Variants in ESRRG observed in about 807,000 individuals in gnomAD.
ESRRG encodes estrogen-related receptor gamma.
Under a neutral mutation model 44.0 loss-of-function variants are expected in ESRRG, and 13 were observed. The observed-to-expected ratio is 0.30, with a 90% CI of 0.19 to 0.47. The LOEUF (loss-of-function observed/expected upper bound fraction) is 0.47. Ranked by LOEUF, ESRRG falls within the 20% of genes least tolerant of loss-of-function variation. The pLI, the probability that ESRRG is intolerant of heterozygous loss-of-function variation, is 1.00. For synonymous variants in ESRRG, 215 were observed against 214.6 expected (o/e 1.00, Z -0.02); for missense variants, 395 against 580.6 (o/e 0.68, Z 3.29).
chr1:216,863,856 A>G (rs2096096559), intron 2 of ESRRG: 1 of 152,098 alleles, frequency 6.6e-6, no homozygotes, highest in Non-Finnish European at 1.5e-5. Flanking sequence ...CTGCACAGGA[A>G]GCTCCTACTC....
chr1:216,635,238 G>C (rs1349628323), intron 3 of ESRRG, among the ~76,000 whole-genome samples: 2 of 152,214 alleles, frequency 1.3e-5, no homozygotes, highest in Non-Finnish European at 2.9e-5. Context: ...GGAAACAATT[G>C]CTATGCATGA....
intron 1 of ESRRG, among the ~76,000 whole-genome samples, chr1:217,038,151 G>A (rs764314815): frequency 1.5e-4 from 23 of 152,128 alleles, no homozygotes; most frequent in East Asian, 3.9e-4. Context: ...TCTTCTCACC[G>A]CTCCACTAGG....
chr1:217,110,265 T>C (rs2092646587), intron 1 of ESRRG, among the ~76,000 whole-genome samples: 1 of 152,328 alleles, frequency 6.6e-6, no homozygotes, highest in East Asian at 1.9e-4. Flanking sequence ...ATGAAACCAT[T>C]ATACCATTCC....
At chr1:217,108,617 G>A (rs6674737) in intron 1 of ESRRG, among the ~76,000 whole-genome samples, 23,672 of 151,802 alleles carry the variant, frequency 0.16, 2,051 homozygotes, top group Middle Eastern at 0.24. Flanking sequence ...CACAAGACTG[G>A]GTCGTTTAAA....
intron 2 of ESRRG, among the ~76,000 whole-genome samples, chr1:216,666,526 C>A (rs1272991592): frequency 6.6e-6 from 1 of 152,120 alleles, no homozygotes; most frequent in East Asian, 1.9e-4. Context: ...GTTAAGGGAG[C>A]ACAAGGAGGA....
intron 2 of ESRRG, among the ~76,000 whole-genome samples, chr1:216,841,093 G>A (rs563344615): frequency 2.6e-5 from 4 of 152,282 alleles, no homozygotes; most frequent in African/African-American, 9.6e-5. Context: ...AAATCAAAAT[G>A]CAATGAACAA....
chr1:216,805,295 T>C (rs929308607), intron 2 of ESRRG: 2 of 152,186 alleles, frequency 1.3e-5, no homozygotes, highest in African/African-American at 2.4e-5. Flanking sequence ...CATGAATCGG[T>C]ACACACACAA....
chr1:216,772,732 C>G (rs963997626), intron 2 of ESRRG, among the ~76,000 whole-genome samples: 5 of 151,872 alleles, frequency 3.3e-5, no homozygotes, highest in African/African-American at 1.2e-4. Context: ...ACTTAACAAC[C>G]CATTCTGGCT....
intron 2 of ESRRG, among the ~76,000 whole-genome samples, chr1:216,855,868 T>C (rs1391510328): frequency 2.0e-5 from 3 of 152,214 alleles, no homozygotes; most frequent in African/African-American, 7.2e-5. Flanking sequence ...TCCCACTCTT[T>C]CCATTCTCAT....
intron 2 of ESRRG, among the ~76,000 whole-genome samples, chr1:216,774,795 C>CTTTTTTTTTT (rs1178221974): frequency 5.2e-4 from 21 of 40,188 alleles, no homozygotes; most frequent in African/African-American, 2.9e-3. Flanking sequence ...TGAATAATTT[C>CTTTTTTTTTT]TTCTTTTTTT....
At position 216,523,490 on chromosome 1, in the gene ESRRG, G is replaced by GTTTTTTTTTTTTTTTTT. The variant is rs749747909; in HGVS notation, c.863-4070_863-4069insAAAAAAAAAAAAAAAAA. Reference sequence around the variant, plus strand: ...GTGCCATGGGCACTCATCAAGCACTGTTTTTTTTTTTGTTTTTTTTTTTTT... The same window carrying GTTTTTTTTTTTTTTTTT: ...GTGCCATGGGCACTCATCAAGCACTGTTTTTTTTTTTTTTTTTTTTTTTTTTTTGTTTTTTTTTTTTT... On this transcript the variant is annotated intron_variant, in intron 5 of 6. Coordinates refer to ENST00000408911, the MANE Select transcript of ESRRG (RefSeq NM_001438.4). Among the ~76,000 whole-genome samples the GTTTTTTTTTTTTTTTTT allele has an allele frequency of 1.6e-5, 2 of 126,328 alleles. 1 individual carries two copies. The allele number at this position is 126,328 out of a possible 152,430, so 82.9% of individuals were successfully genotyped here.
In ESRRG at chr1:216,929,337, A is replaced by G. The variant is rs116674037; in HGVS notation, c.-14+10245T>C. On this transcript the variant is annotated intron_variant, in intron 2 of 7. Coordinates refer to the ESRRG transcript ENST00000359162. ...TGTGCAACTACTCTGTGACAAGTAC[A>G]ATACTAAAAGATGTGACTCAATAGA... 2.4e-3 allele frequency among the ~76,000 whole-genome samples: 368 copies of G among 152,294 alleles called. 2 individuals are homozygous for G. Among genetic ancestry groups the G allele is most frequent in the African/African-American group, 8.3e-3 (346 of 41,564 alleles).
At chr1:216,833,308 C>T (rs919961125) in intron 2 of ESRRG, among the ~76,000 whole-genome samples, 3 of 152,014 alleles carry the variant, frequency 2.0e-5, no homozygotes, top group Non-Finnish European at 2.9e-5. Flanking sequence ...TTAGAAATAA[C>T]GTGTAAGGTG....
chr1:216,590,343 C>A (rs1209135329), intron 3 of ESRRG, among the ~76,000 whole-genome samples: 1 of 151,870 alleles, frequency 6.6e-6, no homozygotes, highest in Non-Finnish European at 1.5e-5. Context: ...TTGTTAAATT[C>A]CAGAAAAAAA....
chr1:216,788,015 T>A (rs77398418), intron 2 of ESRRG, among the ~76,000 whole-genome samples: 13,514 of 152,118 alleles, frequency 0.089, 834 homozygotes, highest in African/African-American at 0.17. Flanking sequence ...AGAAGAAAAG[T>A]TGGGGCTATC....
intron 2 of ESRRG, among the ~76,000 whole-genome samples, chr1:216,746,664 G>A (rs1004710341): frequency 6.6e-5 from 10 of 152,088 alleles, no homozygotes; most frequent in African/African-American, 2.4e-4. Flanking sequence ...TAGCTGATTA[G>A]TGACCTGTTT....
At chr1:216,955,199 C>T (rs958481497) in intron 1 of ESRRG, among the ~76,000 whole-genome samples, 1 of 152,066 alleles carries the variant, frequency 6.6e-6, no homozygotes, top group Non-Finnish European at 1.5e-5. Flanking sequence ...CCTTCCCTCA[C>T]ACCTACCCCT....
At chr1:216,973,826 CAAAAA>C (rs76576502) in intron 1 of ESRRG, among the ~76,000 whole-genome samples, 1 of 116,456 alleles carries the variant, frequency 8.6e-6, no homozygotes. Flanking sequence ...AACTCTGTCT[CAAAAA>C]AAAAAAAAAA....
At position 217,109,621 on chromosome 1, in the gene ESRRG, C is replaced by G. The variant is rs552690205; in HGVS notation, c.-230+28046G>C. Among the ~76,000 whole-genome samples, 5 of 152,248 alleles carry G rather than the reference C, an allele frequency of 3.3e-5. No individual in the cohort carries two copies. In the East Asian group the frequency reaches 9.7e-4, roughly 29 times the overall value. ...TACTTTCTTAAACCATACATTTCCCCCTACCATAAAATGCACTCCTGCCAT... is the reference window on the plus strand; with the variant it reads ...TACTTTCTTAAACCATACATTTCCCGCTACCATAAAATGCACTCCTGCCAT... On this transcript the variant is annotated intron_variant, in intron 1 of 8. Coordinates refer to the ESRRG transcript ENST00000366940.
Sources: allele counts gnomAD v4.1 joint callset (sites outside exome capture counted in the v4.1 genomes callset), GRCh38; gene constraint gnomAD v4.1.1; transcripts MANE v1.5; gene names NCBI Gene and HGNC (gene_info 2026-07-23, HGNC 2026-07-21).